The following SGCZ variants were observed in gnomAD, a reference collection of about 807,000 sequenced individuals.
SGCZ encodes sarcoglycan zeta.
A neutral mutation model predicts 41.3 loss-of-function variants in SGCZ; 40 were observed. That is an observed-to-expected ratio of 0.97 (90% CI 0.75 to 1.26). The LOEUF (loss-of-function observed/expected upper bound fraction) is 1.26. Ranked by LOEUF, SGCZ falls within the 50% of genes most tolerant of loss-of-function variation. The pLI, the probability that SGCZ is intolerant of heterozygous loss-of-function variation, is 0.00. For synonymous variants in SGCZ, 206 were observed against 137.5 expected (o/e 1.50, Z -3.49); for missense variants, 552 against 369.8 (o/e 1.49, Z -4.04).
At chr8:15,231,189 T>G (rs936353784) in intron 1 of SGCZ, among the ~76,000 whole-genome samples, 8 of 152,218 alleles carry the variant, frequency 5.3e-5, no homozygotes, top group African/African-American at 1.9e-4. Flanking sequence ...GTTTCCCTGA[T>G]GGACATTGCC....
chr8:14,612,613 T>C (rs75334974), intron 1 of SGCZ, among the ~76,000 whole-genome samples: 3,340 of 152,340 alleles, frequency 0.022, 59 homozygotes, highest in South Asian at 0.048. Context: ...AGAATTCAGA[T>C]ATTTTTATGA....
At chr8:14,103,475 T>C (rs1375799503) in intron 6 of SGCZ, among the ~76,000 whole-genome samples, 1 of 152,138 alleles carries the variant, frequency 6.6e-6, no homozygotes, top group Admixed American at 6.6e-5. Context: ...ACAACTGGTT[T>C]TGTTTTTGTT....
At chr8:14,224,274 G>C (rs1027256590) in intron 4 of SGCZ, among the ~76,000 whole-genome samples, 1 of 152,140 alleles carries the variant, frequency 6.6e-6, no homozygotes, top group African/African-American at 2.4e-5. Flanking sequence ...TCATTTAATA[G>C]GGGATGGAAA....
intron 3 of SGCZ, among the ~76,000 whole-genome samples, chr8:14,289,736 T>G (rs1449650079): frequency 6.6e-6 from 1 of 151,742 alleles, no homozygotes; most frequent in African/African-American, 2.4e-5. Flanking sequence ...CAATAAATGG[T>G]GCTAGGAAAA....
intron 1 of SGCZ, among the ~76,000 whole-genome samples, chr8:15,124,958 A>C (rs773283606): frequency 1.3e-5 from 2 of 152,228 alleles, no homozygotes; most frequent in Non-Finnish European, 2.9e-5. Flanking sequence ...ATGAAAAAAA[A>C]CAATATGGGT....
intron 2 of SGCZ, among the ~76,000 whole-genome samples, chr8:14,509,412 A>T (rs978859801): frequency 6.6e-6 from 1 of 152,186 alleles, no homozygotes; most frequent in Non-Finnish European, 1.5e-5. Flanking sequence ...TAATTTTAAA[A>T]CCTTAATATA....
chr8:14,995,986 C>G (rs1802203652), intron 1 of SGCZ, among the ~76,000 whole-genome samples: 1 of 151,926 alleles, frequency 6.6e-6, no homozygotes, highest in Non-Finnish European at 1.5e-5. Context: ...TCACTGCAAC[C>G]TCTATCTCCC....
At chr8:14,218,218 A>G (rs1806067919) in intron 4 of SGCZ, among the ~76,000 whole-genome samples, 1 of 152,208 alleles carries the variant, frequency 6.6e-6, no homozygotes, top group Non-Finnish European at 1.5e-5. Context: ...TAAAGAACAT[A>G]CAAATTATTA....
rs1240255281 is a variant in SGCZ, at chr8:14,660,555, AG to A, written c.40-105630del. 2.0e-4 allele frequency among the ~76,000 whole-genome samples: 29 copies of A among 146,190 alleles called. No homozygotes were observed. The East Asian group carries it at 5.9e-3, about 30-fold the overall frequency. On this transcript the variant is annotated intron_variant, in intron 1 of 7. Transcript: ENST00000382080. ...CACTGCACTCCAGCCTGGGCAACAG[AG>A]CAAAAACTCCATCTCAAAAAAAAAA...
intron 2 of SGCZ, among the ~76,000 whole-genome samples, chr8:14,408,715 T>C (rs117829516): frequency 0.028 from 4,288 of 152,240 alleles, 106 homozygotes; most frequent in East Asian, 0.1. Context: ...CATGGCATCT[T>C]ATTTATCAGG....
intron 1 of SGCZ, among the ~76,000 whole-genome samples, chr8:14,939,608 T>C (rs116766845): frequency 0.039 from 5,850 of 151,944 alleles, 355 homozygotes; most frequent in African/African-American, 0.13. Flanking sequence ...AAAAAGAGAG[T>C]GGATGTCATC....
chr8:14,740,829 T>C (rs1434308232), intron 1 of SGCZ, among the ~76,000 whole-genome samples: 1 of 152,008 alleles, frequency 6.6e-6, no homozygotes, highest in Non-Finnish European at 1.5e-5. Context: ...AACAGGTAGA[T>C]GTAAGGGCAA....
chr8:14,952,671 C>T (rs1405207761), intron 1 of SGCZ, among the ~76,000 whole-genome samples: 1 of 152,144 alleles, frequency 6.6e-6, no homozygotes. Flanking sequence ...GTCTCTGTGA[C>T]TTTGGCCTCA....
At chr8:14,868,607 AC>A (rs1203069943) in intron 1 of SGCZ, among the ~76,000 whole-genome samples, 1 of 152,148 alleles carries the variant, frequency 6.6e-6, no homozygotes, top group Non-Finnish European at 1.5e-5. Flanking sequence ...TTTTACATGT[AC>A]CAGTTTAAGC....
chr8:14,702,838 T>C (rs1355383603), intron 1 of SGCZ, among the ~76,000 whole-genome samples: 12 of 99,992 alleles, frequency 1.2e-4, no homozygotes, highest in South Asian at 3.3e-4. Context: ...GATAGATAGA[T>C]AGATAGATAG....
intron 1 of SGCZ, among the ~76,000 whole-genome samples, chr8:15,197,734 T>C (rs1209687565): frequency 6.6e-6 from 1 of 152,104 alleles, no homozygotes; most frequent in Non-Finnish European, 1.5e-5. Flanking sequence ...GGAGGCAAGG[T>C]CTAAAATTAA....
intron 1 of SGCZ, among the ~76,000 whole-genome samples, chr8:14,816,552 A>G (rs1053287086): frequency 2.6e-5 from 4 of 152,204 alleles, no homozygotes; most frequent in Non-Finnish European, 5.9e-5. Flanking sequence ...TAAAAAGCAT[A>G]CAATGGAATG....
At chr8:15,042,374 G>A (rs1208590752) in intron 1 of SGCZ, among the ~76,000 whole-genome samples, 1 of 152,152 alleles carries the variant, frequency 6.6e-6, no homozygotes, top group African/African-American at 2.4e-5. Flanking sequence ...ATTTCTGATA[G>A]AGTAAGTAAG....
At chr8:14,888,746 A>G (rs980386795) in intron 1 of SGCZ, among the ~76,000 whole-genome samples, 4 of 152,196 alleles carry the variant, frequency 2.6e-5, no homozygotes, top group Admixed American at 1.3e-4. Context: ...TAATGCCTTG[A>G]TCTGCTACTG....
Sources: allele counts gnomAD v4.1 joint callset (sites outside exome capture counted in the v4.1 genomes callset), GRCh38; gene constraint gnomAD v4.1.1; transcripts MANE v1.5; gene names NCBI Gene and HGNC (gene_info 2026-07-23, HGNC 2026-07-21).